SLITRK3: variants seen among roughly 807,000 people sequenced by gnomAD.
SLITRK3 encodes SLIT and NTRK like family member 3.
In SLITRK3, 16 loss-of-function variants were observed where a neutral mutation model predicts 63.6. The ratio of observed to expected loss-of-function variants is 0.25; its 90% CI spans 0.17 to 0.38. SLITRK3 has a LOEUF of 0.38. SLITRK3 is among the 10% of genes least tolerant of loss of function. SLITRK3 has a pLI of 1.00. For missense variants in SLITRK3, 1,117 were observed against 1,181.4 expected (o/e 0.95, Z 0.80); for synonymous variants, 547 against 451.6 (o/e 1.21, Z -2.68).
At chr3:165,195,524 C>T (rs1718384058) in intron 1 of SLITRK3, 56 bp downstream of exon 1, 1 of 152,268 alleles carries the variant, frequency 6.6e-6, no homozygotes, top group Non-Finnish European at 1.5e-5. Flanking sequence ...GCACATCCTA[C>T]ATACGAGAAA....
At position 165,190,110 on chromosome 3, in the gene SLITRK3, C is replaced by A; in HGVS notation, c.721G>T (p.Val241Leu). Residue 241 changes from valine to leucine, a missense_variant, in exon 2 of 2, where the codon GTA becomes TTA. Val to Leu is a conservative substitution (Grantham distance 32). Coordinates refer to ENST00000475390, the MANE Select transcript of SLITRK3 (RefSeq NM_001318810.2). ...CGTTCCAGCCAACTCTTCAGTTGTA[C>A]AATTTCACATGTACAGTTCCAAGGG... ...ENPWNCTCEI[V>L]QLKSWLERIP... 1 of 1,614,148 alleles carries A rather than the reference C, an allele frequency of 6.2e-7. No homozygotes were observed. Among genetic ancestry groups the A allele is most frequent in the South Asian group, 1.1e-5 (1 of 91,082 alleles).
chr3:165,193,890 TG>T (rs1184484040), intron 1 of SLITRK3, among the ~76,000 whole-genome samples: 1 of 151,554 alleles, frequency 6.6e-6, no homozygotes, highest in African/African-American at 2.4e-5. Flanking sequence ...GTAGTGGGAG[TG>T]GGGGTGGAGG....
In SLITRK3 at chr3:165,189,470, T is replaced by C. The variant is rs1477440746; in HGVS notation, c.1361A>G (p.Asn454Ser). ...ISYVQDGAFINLPNLKSLFLN... is the reference protein window; with the variant it reads ...ISYVQDGAFISLPNLKSLFLN... ...GAAGAGGCTCTTTAAGTTGGGCAAG[T>C]TGATAAAGGCCCCATCTTGGACATA... Residue 454 changes from asparagine (N) to serine (S), a missense_variant, in exon 2 of 2, where the codon AAC becomes AGC. Coordinates refer to ENST00000475390, the MANE Select transcript of SLITRK3 (RefSeq NM_001318810.2). The surrounding 1 kb of genome is among the most constrained non-coding windows in gnomAD (Gnocchi z 4.0). The C allele has an allele frequency of 1.2e-6, 2 of 1,613,426 alleles. No individual in the cohort carries two copies. The highest frequency in any genetic ancestry group is 1.7e-6 in the Non-Finnish European group (2 of 1,180,018).
Position 165,188,129 on chromosome 3 carries a change from T to A in SLITRK3, c.2702A>T (p.Asp901Val), listed in dbSNP as rs1391841667. ...TTTGGGCACTGTTCCATAGAGACAG[T>A]CCACAAATCCCACTGTGCAGGGGGC... ...QPAPCTVGFV[D>V]CLYGTVPKLK... Residue 901 changes from aspartate (D) to valine (V), a missense_variant, in exon 2 of 2, where the codon GAC becomes GTC. Physicochemically the swap from Asp to Val is radical, Grantham distance 152. Coordinates refer to ENST00000475390, the MANE Select transcript of SLITRK3 (RefSeq NM_001318810.2). The A allele has an allele frequency of 6.2e-7, 1 of 1,613,220 alleles. No individual in the cohort carries two copies. The highest frequency in any genetic ancestry group is 8.5e-7 in the Non-Finnish European group (1 of 1,179,766).
intron 1 of SLITRK3, among the ~76,000 whole-genome samples, chr3:165,195,180 C>T (rs934219061): frequency 1.3e-5 from 2 of 152,166 alleles, no homozygotes; most frequent in African/African-American, 4.8e-5. Flanking sequence ...GTCTATAGAG[C>T]CTTTTCTAAT....
At position 165,188,767 on chromosome 3, in the gene SLITRK3, G is replaced by C; in HGVS notation, c.2064C>G (p.Phe688Leu). ...VLRRRRKKLP[F>L]RSKRQEGVDL... ...CCACACCTTCCTGCCGCTTGCTTCT[G>C]AAGGGCAGCTTCTTTCGACGCCTTC... The change falls in exon 2 of 2, where the codon TTC becomes TTG. Residue 688 changes from phenylalanine (F) to leucine (L), a missense_variant. Transcript: ENST00000475390. The C allele has an allele frequency of 1.2e-6, 2 of 1,614,182 alleles. No individual in the cohort carries two copies. The highest frequency in any genetic ancestry group is 1.7e-6 in the Non-Finnish European group (2 of 1,180,034).
Position 165,189,576 on chromosome 3 carries a change from G to C in SLITRK3, c.1255C>G (p.Leu419Val). The C allele has an allele frequency of 6.2e-7, 1 of 1,614,144 alleles. No individual in the cohort carries two copies. Among genetic ancestry groups the C allele is most frequent in the Non-Finnish European group, 8.5e-7 (1 of 1,180,010 alleles). ...NAKKLYLSSN[L>V]IQKIYRSDFW... ...TCAGAACGGTATATTTTCTGAATCA[G>C]ATTGCTACTCAGATACAGTTTCTTG... The change falls in exon 2 of 2, where the codon CTG becomes GTG. Residue 419 changes from leucine to valine, a missense_variant. This residue lies in a region of SLITRK3 where 452 missense variants were observed against 495.3 expected (regional missense o/e 0.91). Transcript: ENST00000475390. This position sits in a 1 kb window ranked among gnomAD's most constrained non-coding sequence, Gnocchi z 4.0.
At chr3:165,195,226 T>C (rs975489540) in intron 1 of SLITRK3, among the ~76,000 whole-genome samples, 1 of 152,218 alleles carries the variant, frequency 6.6e-6, no homozygotes, top group African/African-American at 2.4e-5. Context: ...ATGGTCTGTT[T>C]AGAAACGGAA....
At chr3:165,193,387 A>T (rs531524034) in intron 1 of SLITRK3, among the ~76,000 whole-genome samples, 1 of 151,676 alleles carries the variant, frequency 6.6e-6, no homozygotes, top group Non-Finnish European at 1.5e-5. Flanking sequence ...TCTCTAGTGC[A>T]GGTGGTTTGA....
rs188735725 is a variant in SLITRK3, at chr3:165,193,318, T to A, written c.-22+2262A>T. 2.2e-3 allele frequency among the ~76,000 whole-genome samples: 334 copies of A among 150,800 alleles called. 3 individuals are homozygous for A. The highest frequency in any genetic ancestry group is 7.6e-3 in the African/African-American group (309 of 40,922). Reference sequence around the variant, plus strand: ...CTTTCTTTCTTTCTTTCTTTTTTTTTAAACTCTCAAGGAAACCATCCCCTG... The same window carrying A: ...CTTTCTTTCTTTCTTTCTTTTTTTTAAAACTCTCAAGGAAACCATCCCCTG... On this transcript the variant is annotated intron_variant, in intron 1 of 1. Coordinates refer to ENST00000475390, the MANE Select transcript of SLITRK3 (RefSeq NM_001318810.2).
At position 165,190,827 on chromosome 3, in the gene SLITRK3, T is replaced by A. The variant is rs773562128; in HGVS notation, c.4A>T (p.Lys2Ter). The A allele has an allele frequency of 3.2e-6, 5 of 1,572,566 alleles. No homozygotes were observed. In the Admixed American group the frequency reaches 9.8e-5, roughly 31 times the overall value. Residue 2 changes from lysine to a stop codon, truncating the protein, a stop_gained, in exon 2 of 2, where the codon AAA becomes TAA. Coordinates refer to ENST00000475390, the MANE Select transcript of SLITRK3 (RefSeq NM_001318810.2). LOFTEE classifies it high-confidence loss of function. The part of the protein sequence containing the change: M[K>*]PSIAEMLHRG... Reference sequence around the variant, plus strand: ...TGAAGCATCTCAGCTATGGAAGGTTTCATCGTTCGTGGTTGATTACAAAAC... The same window carrying A: ...TGAAGCATCTCAGCTATGGAAGGTTACATCGTTCGTGGTTGATTACAAAAC...
intron 1 of SLITRK3, among the ~76,000 whole-genome samples, chr3:165,191,327 A>G: frequency 6.6e-6 from 1 of 152,236 alleles, no homozygotes; most frequent in East Asian, 1.9e-4. Flanking sequence ...GATGATTAAA[A>G]AGACATGATA....
At chr3:165,192,313 A>T (rs2108210036) in intron 1 of SLITRK3, among the ~76,000 whole-genome samples, 1 of 152,328 alleles carries the variant, frequency 6.6e-6, no homozygotes, top group South Asian at 2.1e-4. Context: ...CTCAAAAATT[A>T]AAAACAATTC....
upstream of SLITRK3, chr3:165,196,488 G>C (rs879120061): frequency 7.1e-5 from 11 of 155,092 alleles, no homozygotes; most frequent in Non-Finnish European, 1.3e-4. Flanking sequence ...CCAAGGAGAC[G>C]CTCGCGGCGG....
Position 165,190,674 on chromosome 3 carries a change from T to C in SLITRK3, c.157A>G (p.Lys53Glu). The C allele has an allele frequency of 6.2e-7, 1 of 1,614,150 alleles. No individual in the cohort carries two copies. The highest frequency in any genetic ancestry group is 8.5e-7 in the Non-Finnish European group (1 of 1,180,014). Residue 53 changes from lysine (K) to glutamate (E), a missense_variant, in exon 2 of 2, where the codon AAA (lysine) becomes GAA (glutamate). Physicochemically the swap from Lys to Glu is moderately conservative, Grantham distance 56. Transcript: ENST00000475390. ...CAATGTATATGAAAGAGGCTTTCTT[T>C]AACTTCACAGTAGCATGGATCAAAA... Reference protein sequence around the residue: ...PCFDPCYCEVKESLFHIHCDS... With the variant: ...PCFDPCYCEVEESLFHIHCDS...
Position 165,188,333 on chromosome 3 carries a change from A to G in SLITRK3, c.2498T>C (p.Val833Ala), listed in dbSNP as rs1238254199. ...SSSQLNTIVT[V>A]NHHHPHHPAV... ...TGGGTGGTGAGGGTGATGGTGATTC[A>G]CCGTCACTATGGTGTTAAGCTGGGA... Residue 833 changes from valine (V) to alanine (A), a missense_variant, in exon 2 of 2, where the codon GTG becomes GCG. Transcript: ENST00000475390. The G allele has an allele frequency of 6.2e-7, 1 of 1,613,956 alleles. No homozygotes were observed. The highest frequency in any genetic ancestry group is 1.1e-5 in the South Asian group (1 of 91,056).
chr3:165,190,185 T>C lies in SLITRK3; in HGVS notation c.646A>G (p.Met216Val). The C allele has an allele frequency of 1.2e-6, 2 of 1,614,168 alleles. No homozygotes were observed. The highest frequency in any genetic ancestry group is 1.7e-6 in the Non-Finnish European group (2 of 1,180,018). Reference sequence around the variant, plus strand: ...AGGCTTCTGCCAATGTGATCTAGCATTCCTCGGTAAAAAAGAACCTTTAAC... The same window carrying C: ...AGGCTTCTGCCAATGTGATCTAGCACTCCTCGGTAAAAAAGAACCTTTAAC... ...NRLKVLFYRGMLDHIGRSLME... is the reference protein window; with the variant it reads ...NRLKVLFYRGVLDHIGRSLME... Residue 216 changes from methionine (M) to valine (V), a missense_variant, in exon 2 of 2, where the codon ATG (methionine) becomes GTG (valine). Met to Val is a conservative substitution (Grantham distance 21). Transcript: ENST00000475390.
chr3:165,191,835 C>T (rs895472889), intron 1 of SLITRK3, among the ~76,000 whole-genome samples: 1 of 152,144 alleles, frequency 6.6e-6, no homozygotes, highest in Non-Finnish European at 1.5e-5. Flanking sequence ...GAGTGGAAAC[C>T]TCTATTCTTA....
chr3:165,189,725 A>T lies in SLITRK3; in HGVS notation c.1106T>A (p.Ile369Asn). 1 of 1,614,110 alleles carries T rather than the reference A, an allele frequency of 6.2e-7. No homozygotes were observed. The highest frequency in any genetic ancestry group is 8.5e-7 in the Non-Finnish European group (1 of 1,180,028). ...ACACCCAGTGGGGCATATAATGGGGATTGGTGGTCTGGTCTGATAAGGAGC... is the reference window on the plus strand; with the variant it reads ...ACACCCAGTGGGGCATATAATGGGGTTTGGTGGTCTGGTCTGATAAGGAGC... ...PIAPYQTRPPIPIICPTGCTC... is the reference protein window; with the variant it reads ...PIAPYQTRPPNPIICPTGCTC... Residue 369 changes from isoleucine (I) to asparagine (N), a missense_variant, in exon 2 of 2, where the codon ATC becomes AAC. By Grantham distance (149) the Ile-to-Asn change is moderately radical (BLOSUM62 -3). Coordinates refer to ENST00000475390, the MANE Select transcript of SLITRK3 (RefSeq NM_001318810.2). The surrounding 1 kb of genome is among the most constrained non-coding windows in gnomAD (Gnocchi z 4.0).
Sources: gnomAD v4.1 joint callset for allele counts (sites outside exome capture counted in the v4.1 genomes callset) on GRCh38, gnomAD v4.1.1 for gene constraint, gnomAD v4.1.1 regional missense constraint, Gnocchi (gnomAD v3.1) non-coding constraint, MANE v1.5 for transcripts, NCBI Gene and HGNC (gene_info 2026-07-23, HGNC 2026-07-21) for gene names.